Variants in PDE8A observed in about 807,000 individuals in gnomAD.
PDE8A encodes high affinity cAMP-specific and IBMX-insensitive 3',5'-cyclic phosphodiesterase 8A.
Under a neutral mutation model 105.0 loss-of-function variants are expected in PDE8A, and 59 were observed. The ratio of observed to expected loss-of-function variants is 0.56; its 90% confidence interval spans 0.46 to 0.70. PDE8A has a LOEUF of 0.70. Among genes scored for constraint, PDE8A ranks in the 30% least tolerant of loss-of-function variants. PDE8A has a pLI of 0.00. For synonymous variants in PDE8A, 355 were observed against 371.9 expected (o/e 0.95, Z 0.52); for missense variants, 1,014 against 1,045.9 (o/e 0.97, Z 0.42).
At chr15:85,069,105 G>GA (rs1289682538) in intron 3 of PDE8A, among the ~76,000 whole-genome samples, 1 of 152,036 alleles carries the variant, frequency 6.6e-6, no homozygotes. Context: ...ATATTTCAAT[G>GA]AAAAAAAGTA....
intron 6 of PDE8A, among the ~76,000 whole-genome samples, chr15:85,086,785 C>T (rs2081559851): frequency 6.6e-6 from 1 of 151,912 alleles, no homozygotes; most frequent in South Asian, 2.1e-4. Context: ...GAGTCTCACT[C>T]CGTTGCCCAG....
chr15:85,039,344 G>A (rs1330157883), intron 1 of PDE8A, among the ~76,000 whole-genome samples: 1 of 151,864 alleles, frequency 6.6e-6, no homozygotes, highest in Non-Finnish European at 1.5e-5. Flanking sequence ...TGGGAGGATT[G>A]CTTGAGCCCG....
At chr15:84,999,694 C>T (rs2080037271) in intron 1 of PDE8A, among the ~76,000 whole-genome samples, 1 of 152,170 alleles carries the variant, frequency 6.6e-6, no homozygotes, top group African/African-American at 2.4e-5. Flanking sequence ...CCTTCCTCAG[C>T]CTCCTGAGCA....
chr15:85,038,215 G>GT (rs60679354), intron 1 of PDE8A, among the ~76,000 whole-genome samples: 1,433 of 10,406 alleles, frequency 0.14, 29 homozygotes, highest in African/African-American at 0.31. Context: ...TCCAATTGGG[G>GT]GGTGTGTGTG....
chr15:84,995,992 A>T (rs561927614), intron 1 of PDE8A, among the ~76,000 whole-genome samples: 18 of 152,274 alleles, frequency 1.2e-4, no homozygotes, highest in African/African-American at 4.3e-4. Flanking sequence ...TGTTTTGGAC[A>T]TTTGAATGTC....
At chr15:85,004,112 A>T (rs769591637) in intron 1 of PDE8A, among the ~76,000 whole-genome samples, 19 of 152,166 alleles carry the variant, frequency 1.2e-4, no homozygotes, top group Non-Finnish European at 2.1e-4. Flanking sequence ...TAAGAAGAGG[A>T]ACTGAGTTTC....
At chr15:85,022,426 GTTTTTTT>G in intron 1 of PDE8A, among the ~76,000 whole-genome samples, 1 of 134,454 alleles carries the variant, frequency 7.4e-6, no homozygotes, top group African/African-American at 2.8e-5. Context: ...TATTGGAAGT[GTTTTTTT>G]TTTTTTTTTT....
chr15:85,109,591 C>T (rs2081993081), intron 12 of PDE8A, among the ~76,000 whole-genome samples: 1 of 152,190 alleles, frequency 6.6e-6, no homozygotes, highest in Non-Finnish European at 1.5e-5. Context: ...TATGTAAGTG[C>T]ATGGTCTGAA....
chr15:85,010,041 G>C (rs748656190), intron 1 of PDE8A, among the ~76,000 whole-genome samples: 1 of 152,174 alleles, frequency 6.6e-6, no homozygotes, highest in African/African-American at 2.4e-5. Context: ...CATGCTATAT[G>C]ATTTAGTTTA....
intron 3 of PDE8A, among the ~76,000 whole-genome samples, chr15:85,069,625 C>T (rs2081282860): frequency 6.6e-6 from 1 of 152,116 alleles, no homozygotes; most frequent in South Asian, 2.1e-4. Flanking sequence ...GATTGATAGA[C>T]CTTGTAAGCA....
At chr15:85,076,037 C>T in intron 4 of PDE8A, 119 bp downstream of exon 4, 1 of 549,628 alleles carries the variant, frequency 1.8e-6, no homozygotes, top group Non-Finnish European at 3.3e-6. Context: ...GTGTGGCCTT[C>T]TCTTCTTTAT....
chr15:85,036,116 A>G (rs566735385), intron 1 of PDE8A, among the ~76,000 whole-genome samples: 24 of 152,354 alleles, frequency 1.6e-4, no homozygotes, highest in African/African-American at 5.5e-4. Context: ...AATTTGATAG[A>G]AAATGGGAAG....
chr15:85,005,768 G>A (rs2080136599), intron 1 of PDE8A, among the ~76,000 whole-genome samples: 2 of 152,076 alleles, frequency 1.3e-5, no homozygotes, highest in African/African-American at 4.8e-5. Context: ...TCAGCATTAG[G>A]ACTGCCCTCT....
At chr15:85,009,735 T>C (rs921476175) in intron 1 of PDE8A, among the ~76,000 whole-genome samples, 24 of 152,226 alleles carry the variant, frequency 1.6e-4, no homozygotes, top group African/African-American at 5.8e-4. Flanking sequence ...CAATATTTAC[T>C]GAAGTTGAAA....
chr15:85,043,749 G>C (rs1302474502), intron 1 of PDE8A, among the ~76,000 whole-genome samples: 2 of 152,024 alleles, frequency 1.3e-5, no homozygotes, highest in African/African-American at 4.8e-5. Flanking sequence ...CCAGGCTGGA[G>C]TGCAGTCGTG....
At chr15:85,054,164 A>C (rs1024044585) in intron 1 of PDE8A, among the ~76,000 whole-genome samples, 2 of 152,330 alleles carry the variant, frequency 1.3e-5, no homozygotes, top group African/African-American at 4.8e-5. Context: ...CCCAGAGATG[A>C]AGCCAACTTG....
At position 85,066,605 on chromosome 15, in the gene PDE8A, C is replaced by CACACACAT. The variant is rs1411486077; in HGVS notation, c.244-402_244-401insTACACACA. On this transcript the variant is annotated intron_variant, in intron 2 of 21. Transcript: ENST00000394553. ...CAAAACACACACACACACACACACA[C>CACACACAT]ACACACACACACACACACACACACA... is the stretch of plus-strand genomic sequence containing the variant. Among the ~76,000 whole-genome samples the CACACACAT allele has an allele frequency of 1.6e-3, 104 of 67,042 alleles. 1 individual carries two copies. The highest frequency in any genetic ancestry group is 9.3e-3 in the African/African-American group (89 of 9,604). 44.0% of individuals were successfully genotyped at this position (67,042 alleles called of 152,430 possible).
chr15:85,007,318 G>A (rs554171736), intron 1 of PDE8A, among the ~76,000 whole-genome samples: 3 of 151,722 alleles, frequency 2.0e-5, no homozygotes, highest in Non-Finnish European at 2.9e-5. Context: ...AGTGAAGACT[G>A]AAGAAGCAGC....
chr15:84,997,655 C>T (rs571284042), intron 1 of PDE8A, among the ~76,000 whole-genome samples: 30 of 152,014 alleles, frequency 2.0e-4, no homozygotes, highest in African/African-American at 6.5e-4. Context: ...TGCAATGGTG[C>T]GATCTTGGCT....
Sources: gnomAD v4.1 joint callset for allele counts (sites outside exome capture counted in the v4.1 genomes callset) on GRCh38, gnomAD v4.1.1 for gene constraint, MANE v1.5 for transcripts, NCBI Gene and HGNC (gene_info 2026-07-23, HGNC 2026-07-21) for gene names.